INSM1: variants seen among roughly 807,000 people sequenced by gnomAD.
The protein encoded by INSM1 is insulinoma-associated protein 1.
A neutral mutation model predicts 21.1 loss-of-function variants in INSM1; 11 were observed. The ratio of observed to expected loss-of-function variants is 0.52; its 90% CI spans 0.33 to 0.86. The LOEUF (loss-of-function observed/expected upper bound fraction) is 0.86. INSM1 is among the 40% of genes least tolerant of loss of function. The probability of loss-of-function intolerance (pLI) is 0.03; values close to 1 mark genes in which losing one functional copy is unlikely to be tolerated. For missense variants in INSM1, 843 were observed against 760.1 expected, an observed-to-expected ratio of 1.11 and a Z score of -1.28; for synonymous variants, 473 against 386.1, an observed-to-expected ratio of 1.23 and a Z score of -2.64.
chr20:20,369,622 G>T lies in INSM1; in HGVS notation c.1355G>T (p.Ser452Ile). 6.2e-7 allele frequency: 1 copy of T among 1,600,786 alleles called. No individual in the cohort carries two copies. Among genetic ancestry groups the T allele is most frequent in the Non-Finnish European group, 8.5e-7 (1 of 1,179,696 alleles). Residue 452 changes from serine to isoleucine, a missense_variant, in exon 1 of 1, where the codon AGC (serine) becomes ATC (isoleucine). By Grantham distance (142) the Ser-to-Ile change is moderately radical. Coordinates refer to ENST00000310227, the MANE Select transcript of INSM1 (RefSeq NM_002196.3). The surrounding 1 kb of genome is among the most constrained non-coding windows in gnomAD (Gnocchi z 5.6). ...CCAGTGTGCGGAGAGTCGTTCGCCA[G>T]CAAGGGCGCTCAGGAGCGCCACCTG... ...LCPVCGESFA[S>I]KGAQERHLRL...
Position 20,369,437 on chromosome 20 carries a change from C to T in INSM1, c.1170C>T (p.His390=), listed in dbSNP as rs974349556. Reference sequence around the variant, plus strand: ...TACGCAAGCACCTGCTGGCGCACCACCAGGCGCTGCAGGCCAAGGGCGCGC... The same window carrying T: ...TACGCAAGCACCTGCTGGCGCACCATCAGGCGCTGCAGGCCAAGGGCGCGC... ...AYLRKHLLAH[H]QALQAKGAPL... The change falls in exon 1 of 1, where the codon CAC becomes CAT. Residue 390 remains histidine (H), a synonymous_variant. Coordinates refer to ENST00000310227, the MANE Select transcript of INSM1 (RefSeq NM_002196.3). The surrounding 1 kb of genome is among the most constrained non-coding windows in gnomAD (Gnocchi z 5.6). 2 of 1,545,556 alleles carry T rather than the reference C, an allele frequency of 1.3e-6. No individual in the cohort carries two copies. The highest frequency in any genetic ancestry group is 1.7e-6 in the Non-Finnish European group (2 of 1,156,412).
rs1378461784 is a variant in INSM1 at position 20,370,650 on chromosome 20, CT to C, written c.*851del. ...GCAGATTTTTTTGGCGCGCTGCCCCCTCCCCACCCTGCCACTCTTGACATTC... is the reference window on the plus strand; with the variant it reads ...GCAGATTTTTTTGGCGCGCTGCCCCCCCCCACCCTGCCACTCTTGACATTC... On this transcript the variant is annotated 3_prime_UTR_variant, in exon 1 of 1. Transcript: ENST00000310227. The C allele has an allele frequency of 6.0e-6, 1 of 167,002 alleles. No homozygotes were observed. Among genetic ancestry groups the C allele is most frequent in the African/African-American group, 2.4e-5 (1 of 41,420 alleles). The allele number at this position is 167,002 out of a possible 1,614,324, so 10.3% of individuals were successfully genotyped here. A position where few individuals can be genotyped will look rare whatever the true frequency, so the allele number is the denominator to read the frequency against.
Position 20,369,477 on chromosome 20 carries a change from G to C in INSM1, c.1210G>C (p.Ala404Pro). ...QAKGAPLAPP[A>P]EDLLALYPGP... is the part of the protein sequence containing the mutation. Reference sequence around the variant, plus strand: ...CAAGGGCGCGCCGCTAGCGCCCCCGGCCGAGGACCTACTGGCCTTGTACCC... The same window carrying C: ...CAAGGGCGCGCCGCTAGCGCCCCCGCCCGAGGACCTACTGGCCTTGTACCC... The change falls in exon 1 of 1, where the codon GCC becomes CCC. Residue 404 changes from alanine to proline, a missense_variant. Coordinates refer to ENST00000310227, the MANE Select transcript of INSM1 (RefSeq NM_002196.3). This position sits in a 1 kb window ranked among gnomAD's most constrained non-coding sequence, Gnocchi z 5.6. 2.6e-6 allele frequency: 4 copies of C among 1,535,694 alleles called. No individual in the cohort carries two copies. The highest frequency in any genetic ancestry group is 3.5e-6 in the Non-Finnish European group (4 of 1,150,686).
At position 20,368,551 on chromosome 20, in the gene INSM1, AC is replaced by A; in HGVS notation, c.288del (p.Ala97ArgfsTer10). The A allele has an allele frequency of 2.2e-6, 3 of 1,390,306 alleles. No individual in the cohort carries two copies. The highest frequency in any genetic ancestry group is 2.8e-6 in the Non-Finnish European group (3 of 1,053,704). The allele number at this position is 1,390,306 out of a possible 1,614,324, so 86.1% of individuals were successfully genotyped here. On this transcript the variant is annotated frameshift_variant, in exon 1 of 1. Transcript: ENST00000310227. LOFTEE classifies it high-confidence loss of function. The surrounding 1 kb of genome is among the most constrained non-coding windows in gnomAD (Gnocchi z 4.3). ...AAHFGNPEAA[H>X]PAPLYSPTRP... ...CACTTCGGCAACCCCGAGGCTGCGC[AC>A]CCCGCGCCGCTCTACAGTCCCACGC...
chr20:20,368,951 G>A lies in INSM1; in HGVS notation c.684G>A (p.Lys228=). The change falls in exon 1 of 1, where the codon AAG becomes AAA. Residue 228 remains lysine (K), a synonymous_variant. Coordinates refer to ENST00000310227, the MANE Select transcript of INSM1 (RefSeq NM_002196.3). This position sits in a 1 kb window ranked among gnomAD's most constrained non-coding sequence, Gnocchi z 4.3. The part of the protein sequence containing the change: ...PGAKKPKAIR[K]LHFEDEVTTS... ...CCAAGAAGCCCAAGGCCATCCGCAA[G>A]CTGCACTTCGAGGACGAGGTGACCA... 6.4e-7 allele frequency: 1 copy of A among 1,554,460 alleles called. No homozygotes were observed. The highest frequency in any genetic ancestry group is 8.7e-7 in the Non-Finnish European group (1 of 1,153,758).
Position 20,368,648 on chromosome 20 carries a change from G to A in INSM1, c.381G>A (p.Ser127=), listed in dbSNP as rs1261326044. The A allele has an allele frequency of 1.6e-5, 23 of 1,430,664 alleles. No individual in the cohort carries two copies. The highest frequency in any genetic ancestry group is 1.9e-5 in the Non-Finnish European group (20 of 1,076,404). The allele number at this position is 1,430,664 out of a possible 1,614,324, so 88.6% of individuals were successfully genotyped here. A position where few individuals can be genotyped will look rare whatever the true frequency, so the allele number is the denominator to read the frequency against. The change falls in exon 1 of 1, where the codon TCG becomes TCA. Residue 127 remains serine (S), a synonymous_variant. Coordinates refer to ENST00000310227, the MANE Select transcript of INSM1 (RefSeq NM_002196.3). This position sits in a 1 kb window ranked among gnomAD's most constrained non-coding sequence, Gnocchi z 4.3. ...GCTTCAACCTGGGCTCGCCGGTCTC[G>A]GCCGAGTCCTTCCCCACGCCCGCCG... ...ERSFNLGSPV[S]AESFPTPAAL...
At position 20,369,238 on chromosome 20, in the gene INSM1, C is replaced by T; in HGVS notation, c.971C>T (p.Ala324Val). The T allele has an allele frequency of 6.9e-7, 1 of 1,449,596 alleles. No individual in the cohort carries two copies. Among genetic ancestry groups the T allele is most frequent in the Admixed American group, 2.7e-5 (1 of 36,542 alleles). The allele number at this position is 1,449,596 out of a possible 1,614,324, so 89.8% of individuals were successfully genotyped here. A position where few individuals can be genotyped will look rare whatever the true frequency, so the allele number is the denominator to read the frequency against. Residue 324 changes from alanine (A) to valine (V), a missense_variant, in exon 1 of 1, where the codon GCC becomes GTC. Transcript: ENST00000310227. This position sits in a 1 kb window ranked among gnomAD's most constrained non-coding sequence, Gnocchi z 5.6. ...RRWHKPRPAP[A>V]AARAPEPEAA... The stretch of plus-strand genomic sequence containing the variant: ...TGGCACAAACCGCGGCCCGCGCCCG[C>T]CGCCGCCCGCGCGCCGGAGCCAGAA...
At position 20,370,256 on chromosome 20, in the gene INSM1, C is replaced by T. The variant is rs1441850437; in HGVS notation, c.*456C>T. On this transcript the variant is annotated 3_prime_UTR_variant, in exon 1 of 1. Transcript: ENST00000310227. Reference sequence around the variant, plus strand: ...TGGGTGAATCTTGAGGAATAAATGCCTTTATATTTCACAGGCTGTAAATTG... The same window carrying T: ...TGGGTGAATCTTGAGGAATAAATGCTTTTATATTTCACAGGCTGTAAATTG... 5.8e-6 allele frequency: 1 copy of T among 172,250 alleles called. No individual in the cohort carries two copies. Among genetic ancestry groups the T allele is most frequent in the Non-Finnish European group, 1.4e-5 (1 of 71,914 alleles). The allele number at this position is 172,250 out of a possible 1,614,324, so 10.7% of individuals were successfully genotyped here. A position where few individuals can be genotyped will look rare whatever the true frequency, so the allele number is the denominator to read the frequency against.
In INSM1 at chr20:20,369,009, G is replaced by A. The variant is rs2059487827; in HGVS notation, c.742G>A (p.Gly248Ser). Residue 248 changes from glycine (G) to serine (S), a missense_variant, in exon 1 of 1, where the codon GGC becomes AGC. Gly to Ser is a moderately conservative substitution (Grantham distance 56, BLOSUM62 0). Transcript: ENST00000310227. This position sits in a 1 kb window ranked among gnomAD's most constrained non-coding sequence, Gnocchi z 5.6. ...CGTGCTGGGGCTCAAGATCAAGGAGGGCCCGGTGGAGGCGCCGCGGGGCCG... is the reference window on the plus strand; with the variant it reads ...CGTGCTGGGGCTCAAGATCAAGGAGAGCCCGGTGGAGGCGCCGCGGGGCCG... The part of the protein sequence containing the change: ...SPVLGLKIKE[G>S]PVEAPRGRAG... 1.3e-6 allele frequency: 2 copies of A among 1,528,246 alleles called. No individual in the cohort carries two copies. The highest frequency in any genetic ancestry group is 2.4e-5 in the South Asian group (2 of 81,738). The allele number at this position is 1,528,246 out of a possible 1,614,324, so 94.7% of individuals were successfully genotyped here.
chr20:20,368,346 G>A lies in INSM1; in HGVS notation c.79G>A (p.Asp27Asn). Residue 27 changes from aspartate (D) to asparagine (N), a missense_variant, in exon 1 of 1, where the codon GAC becomes AAC. By Grantham distance (23) the Asp-to-Asn change is conservative. Coordinates refer to ENST00000310227, the MANE Select transcript of INSM1 (RefSeq NM_002196.3). This position sits in a 1 kb window ranked among gnomAD's most constrained non-coding sequence, Gnocchi z 4.3. The stretch of plus-strand genomic sequence containing the variant: ...CCGGGTCCGCGGCGGCGAGGACGGC[G>A]ACCGCGCACTGCTGCTCTCGCCCAG... Reference protein sequence around the residue: ...SYRVRGGEDGDRALLLSPSCG... With the variant: ...SYRVRGGEDGNRALLLSPSCG... The A allele has an allele frequency of 3.2e-6, 4 of 1,258,986 alleles. No homozygotes were observed. The highest frequency in any genetic ancestry group is 2.5e-4 in the Middle Eastern group (1 of 4,014). 78.0% of individuals were successfully genotyped at this position (1,258,986 alleles called of 1,614,324 possible). A position where few individuals can be genotyped will look rare whatever the true frequency, so the allele number is the denominator to read the frequency against.
Position 20,370,410 on chromosome 20 carries a change from T to C in INSM1, c.*610T>C. ...TAGTATAGCCACAAATGCCTTGAAC[T>C]GTTGTCTGGGATTGTTTTGTGGGGG... On this transcript the variant is annotated 3_prime_UTR_variant, in exon 1 of 1. Coordinates refer to ENST00000310227, the MANE Select transcript of INSM1 (RefSeq NM_002196.3). 1 of 167,224 alleles carries C rather than the reference T, an allele frequency of 6.0e-6. No homozygotes were observed. 10.4% of individuals were successfully genotyped at this position (167,224 alleles called of 1,614,324 possible).
In INSM1 at chr20:20,368,876, G is replaced by A; in HGVS notation, c.609G>A (p.Pro203=). The change falls in exon 1 of 1, where the codon CCG becomes CCA. Residue 203 remains proline (P), a synonymous_variant. Transcript: ENST00000310227. This position sits in a 1 kb window ranked among gnomAD's most constrained non-coding sequence, Gnocchi z 4.3. ...TGCGGCCCCCGGGAAAGCGGCCCCC[G>A]CCCCCTACCGCCGCGGAGCCGCCCG... ...AALRPPGKRP[P]PPTAAEPPAK... is the part of the protein sequence containing the mutation. 1.4e-6 allele frequency: 2 copies of A among 1,426,298 alleles called. No individual in the cohort carries two copies. Among genetic ancestry groups the A allele is most frequent in the South Asian group, 1.4e-5 (1 of 72,048 alleles). The allele number at this position is 1,426,298 out of a possible 1,614,324, so 88.4% of individuals were successfully genotyped here.
Position 20,368,311 on chromosome 20 carries a change from C to T in INSM1, c.44C>T (p.Pro15Leu). Residue 15 changes from proline to leucine, a missense_variant, in exon 1 of 1, where the codon CCC becomes CTC. Transcript: ENST00000310227. This position sits in a 1 kb window ranked among gnomAD's most constrained non-coding sequence, Gnocchi z 4.3. ...FLVKRSKKST[P>L]VSYRVRGGED... The stretch of plus-strand genomic sequence containing the variant: ...GTGAAGCGCAGCAAGAAGTCCACGC[C>T]CGTTTCCTACCGGGTCCGCGGCGGC... 1 of 1,317,524 alleles carries T rather than the reference C, an allele frequency of 7.6e-7. No homozygotes were observed. Among genetic ancestry groups the T allele is most frequent in the African/African-American group, 1.6e-5 (1 of 64,154 alleles). 81.6% of individuals were successfully genotyped at this position (1,317,524 alleles called of 1,614,324 possible).
rs759690264 is a variant in INSM1, at chr20:20,369,712, C to G, written c.1445C>G (p.Pro482Arg). The G allele has an allele frequency of 1.2e-6, 2 of 1,601,254 alleles. No individual in the cohort carries two copies. The highest frequency in any genetic ancestry group is 2.7e-5 in the African/African-American group (2 of 74,920). The change falls in exon 1 of 1, where the codon CCC becomes CGC. Residue 482 changes from proline (P) to arginine (R), a missense_variant. By Grantham distance (103) the Pro-to-Arg change is moderately radical. Transcript: ENST00000310227. This position sits in a 1 kb window ranked among gnomAD's most constrained non-coding sequence, Gnocchi z 5.6. ...TGCCCGGCCACCTTCTACAGCTCGC[C>G]CGGCCTTACGCGGCACATCAACAAG... The part of the protein sequence containing the change: ...KYCPATFYSS[P>R]GLTRHINKCH...
chr20:20,369,942 T>C lies in INSM1; in HGVS notation c.*142T>C, dbSNP rs946882206. On this transcript the variant is annotated 3_prime_UTR_variant, in exon 1 of 1. Coordinates refer to ENST00000310227, the MANE Select transcript of INSM1 (RefSeq NM_002196.3). The surrounding 1 kb of genome is among the most constrained non-coding windows in gnomAD (Gnocchi z 5.6). ...ACCGGGTGAAAGTGTCGTCTCCGCT[T>C]CTCTCGGTGTGGCGTGACGGTAACC... 3.4e-5 allele frequency: 24 copies of C among 700,630 alleles called. No individual in the cohort carries two copies. The highest frequency in any genetic ancestry group is 5.4e-5 in the Non-Finnish European group (23 of 423,358). The allele number at this position is 700,630 out of a possible 1,614,324, so 43.4% of individuals were successfully genotyped here.
At position 20,368,680 on chromosome 20, in the gene INSM1, T is replaced by C; in HGVS notation, c.413T>C (p.Leu138Pro). 7.4e-7 allele frequency: 1 copy of C among 1,353,342 alleles called. No homozygotes were observed. Among genetic ancestry groups the C allele is most frequent in the Admixed American group, 2.9e-5 (1 of 34,456 alleles). 83.8% of individuals were successfully genotyped at this position (1,353,342 alleles called of 1,614,324 possible). The change falls in exon 1 of 1, where the codon CTC becomes CCC. Residue 138 changes from leucine (L) to proline (P), a missense_variant. By Grantham distance (98) the Leu-to-Pro change is moderately conservative. Transcript: ENST00000310227. This position sits in a 1 kb window ranked among gnomAD's most constrained non-coding sequence, Gnocchi z 4.3. The stretch of plus-strand genomic sequence containing the variant: ...TCCTTCCCCACGCCCGCCGCGCTGC[T>C]CGGAGGGGGCGGCGGCGGCGGCGCG... The part of the protein sequence containing the change: ...AESFPTPAAL[L>P]GGGGGGGASG...
rs1295959597 is a variant in INSM1 at position 20,368,615 on chromosome 20, C to G, written c.348C>G (p.Phe116Leu). Residue 116 changes from phenylalanine (F) to leucine (L), a missense_variant, in exon 1 of 1, where the codon TTC becomes TTG. Phe to Leu is a conservative substitution (Grantham distance 22, BLOSUM62 0). Transcript: ENST00000310227. The surrounding 1 kb of genome is among the most constrained non-coding windows in gnomAD (Gnocchi z 4.3). ...GCGAGCACGAGAAGCACAAGTACTT[C>G]GAACGCAGCTTCAACCTGGGCTCGC... ...VSREHEKHKY[F>L]ERSFNLGSPV... 6.8e-7 allele frequency: 1 copy of G among 1,466,302 alleles called. No homozygotes were observed. The highest frequency in any genetic ancestry group is 2.1e-5 in the Admixed American group (1 of 48,426). 90.8% of individuals were successfully genotyped at this position (1,466,302 alleles called of 1,614,324 possible). A position where few individuals can be genotyped will look rare whatever the true frequency, so the allele number is the denominator to read the frequency against.
rs1425017244 is a variant in INSM1 at position 20,369,560 on chromosome 20, G to A, written c.1293G>A (p.Val431=). The change falls in exon 1 of 1, where the codon GTG becomes GTA. Residue 431 remains valine, a synonymous_variant. Transcript: ENST00000310227. This position sits in a 1 kb window ranked among gnomAD's most constrained non-coding sequence, Gnocchi z 5.6. ...EAAGDGEGAG[V]LGLSASAECH... is the part of the protein sequence containing the mutation. ...CCGGCGACGGCGAGGGGGCCGGCGTGCTGGGCCTGAGTGCGTCCGCCGAGT... is the reference window on the plus strand; with the variant it reads ...CCGGCGACGGCGAGGGGGCCGGCGTACTGGGCCTGAGTGCGTCCGCCGAGT... 3 of 1,590,224 alleles carry A rather than the reference G, an allele frequency of 1.9e-6. No homozygotes were observed. The East Asian group carries it at 6.8e-5, about 36-fold the overall frequency.
Position 20,370,003 on chromosome 20 carries a change from C to G in INSM1, c.*203C>G. On this transcript the variant is annotated 3_prime_UTR_variant, in exon 1 of 1. Transcript: ENST00000310227. ...CTTTTGACTCCTTTTGGAACCCCCA[C>G]TTTTACGTTGTGTCCCTCCGCCTCC... 1 of 550,274 alleles carries G rather than the reference C, an allele frequency of 1.8e-6. No homozygotes were observed. Among genetic ancestry groups the G allele is most frequent in the Non-Finnish European group, 3.2e-6 (1 of 308,736 alleles). The allele number at this position is 550,274 out of a possible 1,614,324, so 34.1% of individuals were successfully genotyped here. A position where few individuals can be genotyped will look rare whatever the true frequency, so the allele number is the denominator to read the frequency against.
Sources: allele counts gnomAD v4.1 joint callset, GRCh38; gene constraint gnomAD v4.1.1; non-coding constraint Gnocchi (gnomAD v3.1); transcripts MANE v1.5; gene names NCBI Gene and HGNC (gene_info 2026-07-23, HGNC 2026-07-21).